The following GPSM2 variants were observed in gnomAD, a reference collection of about 807,000 sequenced individuals.
The protein encoded by GPSM2 is G protein-signaling modulator 2.
Under a neutral mutation model 78.4 loss-of-function variants are expected in GPSM2, and 58 were observed. That is an observed-to-expected ratio of 0.74 (90% CI 0.60 to 0.92). GPSM2 has a LOEUF of 0.92. Ranked by LOEUF, GPSM2 falls within the 40% of genes least tolerant of loss-of-function variation. GPSM2 has a pLI of 0.00. For missense variants in GPSM2, 700 were observed against 815.5 expected, an observed-to-expected ratio of 0.86 and a Z score of 1.73; for synonymous variants, 224 against 280.2, an observed-to-expected ratio of 0.80 and a Z score of 2.00.
At chr1:108,923,282 C>T (rs187504053) in intron 13 of GPSM2, among the ~76,000 whole-genome samples, 2 of 152,270 alleles carry the variant, frequency 1.3e-5, no homozygotes, top group East Asian at 3.9e-4. Flanking sequence ...GATCCTCCTG[C>T]CTTAGCCTCC....
chr1:108,885,701 A>C, intron 2 of GPSM2, 123 bp downstream of exon 2: 1 of 705,168 alleles, frequency 1.4e-6, no homozygotes, highest in Admixed American at 2.3e-5. Flanking sequence ...TATTGTCTGT[A>C]GACAATATTT....
At chr1:108,927,983 GCCT>G (rs1651262133) in intron 14 of GPSM2, among the ~76,000 whole-genome samples, 1 of 152,072 alleles carries the variant, frequency 6.6e-6, no homozygotes, top group Admixed American at 6.5e-5. Flanking sequence ...AAAAAGGAAA[GCCT>G]CATGGCATTG....
intron 10 of GPSM2, among the ~76,000 whole-genome samples, chr1:108,905,118 TG>T (rs1317261082): frequency 6.6e-6 from 1 of 152,204 alleles, no homozygotes; most frequent in African/African-American, 2.4e-5. Flanking sequence ...GAACATTTAG[TG>T]AAAAGTTCTG....
chr1:108,888,080 C>T (rs150392894), intron 2 of GPSM2, among the ~76,000 whole-genome samples: 2,464 of 152,270 alleles, frequency 0.016, 27 homozygotes, highest in Middle Eastern at 0.031. Context: ...AATGGAGTAT[C>T]ACTCTGTCAC....
At chr1:108,928,609 A>G (rs938677440) in intron 14 of GPSM2, among the ~76,000 whole-genome samples, 3 of 152,216 alleles carry the variant, frequency 2.0e-5, no homozygotes, top group Non-Finnish European at 4.4e-5. Flanking sequence ...CTCTTGAGCT[A>G]CAATGCCAGA....
chr1:108,918,205 CTAT>C (rs1650426930), intron 11 of GPSM2, among the ~76,000 whole-genome samples: 3 of 151,994 alleles, frequency 2.0e-5, no homozygotes. Context: ...TTTAAAATTA[CTAT>C]GTTTTATATA....
chr1:108,900,662 C>T (rs1648740151), intron 7 of GPSM2, among the ~76,000 whole-genome samples: 1 of 152,166 alleles, frequency 6.6e-6, no homozygotes, highest in African/African-American at 2.4e-5. Context: ...GATTTCTGAT[C>T]ATTTACAAAT....
Position 108,898,040 on chromosome 1 carries a change from GATGTAGGA to G in GPSM2, c.497_504del (p.Asp166GlyfsTer18). On this transcript the variant is annotated frameshift_variant, in exon 5 of 15. Transcript: ENST00000264126. LOFTEE classifies it high-confidence loss of function. ...AAGTTTTGGTTGCCCTGGTCCCCAGGATGTAGGAGAATTTCCAGAAGAAGTGAGAGATG... is the reference window on the plus strand; with the variant it reads ...AAGTTTTGGTTGCCCTGGTCCCCAGGGAATTTCCAGAAGAAGTGAGAGATG... 6.2e-7 allele frequency: 1 copy of G among 1,614,092 alleles called. No homozygotes were observed. The highest frequency in any genetic ancestry group is 8.5e-7 in the Non-Finnish European group (1 of 1,179,928).
At chr1:108,878,083 A>G (rs1277058763) in intron 1 of GPSM2, among the ~76,000 whole-genome samples, 2 of 152,196 alleles carry the variant, frequency 1.3e-5, no homozygotes, top group Non-Finnish European at 2.9e-5. Flanking sequence ...TCAAGCTGCC[A>G]CTTTAGAAGG....
chr1:108,906,389 C>T (rs775449457), intron 10 of GPSM2, among the ~76,000 whole-genome samples: 127 of 152,148 alleles, frequency 8.3e-4, no homozygotes, highest in Non-Finnish European at 1.6e-3. Context: ...TCAAACCTAT[C>T]AGAAACCTGC....
intron 2 of GPSM2, among the ~76,000 whole-genome samples, chr1:108,889,055 T>C (rs1427612540): frequency 6.6e-6 from 1 of 152,254 alleles, no homozygotes; most frequent in Non-Finnish European, 1.5e-5. Flanking sequence ...CAGATTCATC[T>C]ACTCATGTGC....
chr1:108,893,831 G>A (rs1278421147), intron 2 of GPSM2, among the ~76,000 whole-genome samples: 2 of 152,080 alleles, frequency 1.3e-5, no homozygotes, highest in African/African-American at 4.8e-5. Flanking sequence ...GAGGCAGGCG[G>A]ATCTCCTGAG....
intron 10 of GPSM2, among the ~76,000 whole-genome samples, chr1:108,906,556 CTTT>C (rs34000394): frequency 7.6e-6 from 1 of 132,034 alleles, no homozygotes. Context: ...AGCCAGAGTG[CTTT>C]TTTTTTTTTT....
At chr1:108,897,260 G>T (rs1254387493) in intron 3 of GPSM2, among the ~76,000 whole-genome samples, 175 bp downstream of exon 3, 3 of 152,114 alleles carry the variant, frequency 2.0e-5, no homozygotes, top group African/African-American at 7.2e-5. Flanking sequence ...ATGAATAGTA[G>T]TGAATTGACC....
chr1:108,932,169 G>A lies in GPSM2; in HGVS notation c.*2229G>A, dbSNP rs2101593106. 1 of 152,332 alleles carries A rather than the reference G, an allele frequency of 6.6e-6. No homozygotes were observed. The highest frequency in any genetic ancestry group is 1.5e-5 in the Non-Finnish European group (1 of 68,074). The allele number at this position is 152,332 out of a possible 1,614,324, so 9.4% of individuals were successfully genotyped here. A position where few individuals can be genotyped will look rare whatever the true frequency, so the allele number is the denominator to read the frequency against. On this transcript the variant is annotated 3_prime_UTR_variant, in exon 15 of 15. Coordinates refer to ENST00000264126, the MANE Select transcript of GPSM2 (RefSeq NM_013296.5). ...CACATCTGTAATCCTAGCTACTCGG[G>A]AGACTGAGGCAGGAGAATCTCTTGA... is the stretch of plus-strand genomic sequence containing the variant.
rs1313395172 is a variant in GPSM2, at chr1:108,930,430, CTG to C, written c.*492_*493del. 1 of 153,730 alleles carries C rather than the reference CTG, an allele frequency of 6.5e-6. No individual in the cohort carries two copies. The highest frequency in any genetic ancestry group is 2.4e-5 in the African/African-American group (1 of 41,304). The allele number at this position is 153,730 out of a possible 1,614,324, so 9.5% of individuals were successfully genotyped here. ...AGGTTTTTTTTTCCTCCATGAAAAT[CTG>C]TTTTTTTAGGCCAAAGTCAGTATAA... On this transcript the variant is annotated 3_prime_UTR_variant, in exon 15 of 15. Transcript: ENST00000264126.
intron 2 of GPSM2, among the ~76,000 whole-genome samples, chr1:108,893,083 C>T (rs770354085): frequency 6.6e-6 from 1 of 152,156 alleles, no homozygotes; most frequent in South Asian, 2.1e-4. Flanking sequence ...GTAACACTTA[C>T]GATGCCATTC....
rs41279678 is a variant in GPSM2, at chr1:108,897,593, G to A, written c.380G>A (p.Arg127Gln). The A allele has an allele frequency of 0.092, 148,932 of 1,612,658 alleles. 7,491 individuals are homozygous for A. The highest frequency in any genetic ancestry group is 0.1 in the African/African-American group (7,641 of 74,886). The change falls in exon 4 of 15, where the codon CGA becomes CAA. Residue 127 changes from arginine (R) to glutamine (Q), a missense_variant. Transcript: ENST00000264126. ...GACGAAGCCATAGTTTGTTGTCAGC[G>A]ACACCTAGATATTTCCAGAGAGCTT... The part of the protein sequence containing the change: ...NFDEAIVCCQ[R>Q]HLDISRELND...
At chr1:108,922,359 T>A in intron 12 of GPSM2, 58 bp from the exon 13 acceptor site, 1 of 1,238,234 alleles carries the variant, frequency 8.1e-7, no homozygotes, top group South Asian at 1.2e-5. Context: ...TGTTCATTGA[T>A]GATCTAAAGA....
Sources: gnomAD v4.1 joint callset for allele counts (sites outside exome capture counted in the v4.1 genomes callset) on GRCh38, gnomAD v4.1.1 for gene constraint, MANE v1.5 for transcripts, NCBI Gene and HGNC (gene_info 2026-07-23, HGNC 2026-07-21) for gene names.